The following DNAAF6 variants were observed in gnomAD, a reference collection of about 807,000 sequenced individuals.
The protein encoded by DNAAF6 is dynein axonemal assembly factor 6, also known as PIH1 domain containing 3.
DNAAF6 carries 3 observed loss-of-function variants against 13.7 expected under a neutral mutation model. The observed-to-expected ratio is 0.22, with a 90% CI of 0.10 to 0.56. DNAAF6 has a LOEUF of 0.56. DNAAF6 is among the 20% of genes least tolerant of loss of function. DNAAF6 has a pLI of 0.92. For synonymous variants in DNAAF6, 54 were observed against 49.2 expected, an observed-to-expected ratio of 1.10 and a Z score of -0.41; for missense variants, 130 against 151.0, an observed-to-expected ratio of 0.86 and a Z score of 0.73.
At chrX:107,240,258 A>G (rs1928598646) in intron 6 of DNAAF6, among the ~76,000 whole-genome samples, 1 of 112,120 alleles carries the variant, frequency 8.9e-6, no homozygotes, top group Non-Finnish European at 1.9e-5. Flanking sequence ...TTGGATCATA[A>G]TGTACTTATA....
At chrX:107,207,791 G>T (rs1927745384) in intron 1 of DNAAF6, among the ~76,000 whole-genome samples, 1 of 110,851 alleles carries the variant, frequency 9.0e-6, no homozygotes, top group South Asian at 4.0e-4. Context: ...AATTAGCCGG[G>T]TGTGTTGGCG....
intron 4 of DNAAF6, among the ~76,000 whole-genome samples, chrX:107,221,318 G>A (rs969731784): frequency 9.4e-6 from 1 of 106,289 alleles, no homozygotes; most frequent in African/African-American, 3.5e-5. Context: ...CCCCGGCCCC[G>A]CCCATTGTTC....
At position 107,219,800 on chromosome X, in the gene DNAAF6, A is replaced by T. The variant is rs867425072; in HGVS notation, c.332+831A>T. 3.0e-5 allele frequency among the ~76,000 whole-genome samples: 3 copies of T among 99,360 alleles called. No homozygotes were observed. The South Asian group carries it at 1.4e-3, about 45-fold the overall frequency. The allele number at this position is 99,360 out of a possible 115,157, so 86.3% of individuals were successfully genotyped here. On this transcript the variant is annotated intron_variant, in intron 4 of 6. Coordinates refer to ENST00000372453, the MANE Select transcript of DNAAF6 (RefSeq NM_173494.2). ...AATACTGAATACAAAACTATCCAGTATTTTTTTTTTTTTTTAGACAGAGTC... is the reference window on the plus strand; with the variant it reads ...AATACTGAATACAAAACTATCCAGTTTTTTTTTTTTTTTTTAGACAGAGTC...
At chrX:107,224,993 G>C (rs1289695913) in intron 5 of DNAAF6, among the ~76,000 whole-genome samples, 3 of 108,098 alleles carry the variant, frequency 2.8e-5, no homozygotes, top group Non-Finnish European at 5.7e-5. Flanking sequence ...TCAACTTCAA[G>C]TGGATAATAT....
intron 5 of DNAAF6, among the ~76,000 whole-genome samples, chrX:107,231,938 A>G (rs1479456180): frequency 4.5e-5 from 5 of 110,762 alleles, no homozygotes; most frequent in African/African-American, 1.6e-4. Flanking sequence ...GCTCACTGCA[A>G]CCTCCACCTC....
chrX:107,235,223 T>C (rs1928487399), intron 5 of DNAAF6, among the ~76,000 whole-genome samples: 1 of 111,442 alleles, frequency 9.0e-6, no homozygotes, highest in South Asian at 3.8e-4. Context: ...CCTTAAATTA[T>C]GGGCTTTTTT....
At chrX:107,223,621 A>AT (rs1208479750) in intron 5 of DNAAF6, among the ~76,000 whole-genome samples, 1 of 110,997 alleles carries the variant, frequency 9.0e-6, no homozygotes, top group Non-Finnish European at 1.9e-5. Flanking sequence ...CTTTGCTTCT[A>AT]TTTTTTTTCC....
chrX:107,214,252 A>G (rs1253488113), intron 2 of DNAAF6, among the ~76,000 whole-genome samples: 6 of 112,185 alleles, frequency 5.3e-5, no homozygotes, highest in Non-Finnish European at 3.8e-5. Flanking sequence ...CAATGTATCA[A>G]TGAAGTTGGG....
intron 6 of DNAAF6, among the ~76,000 whole-genome samples, chrX:107,241,539 A>G (rs1184725650): frequency 8.9e-6 from 1 of 112,098 alleles, no homozygotes; most frequent in Non-Finnish European, 1.9e-5. Flanking sequence ...CAACATTTAT[A>G]AAGTCTTCCA....
intron 6 of DNAAF6, among the ~76,000 whole-genome samples, chrX:107,240,976 T>A (rs1928612625): frequency 8.9e-6 from 1 of 112,015 alleles, no homozygotes; most frequent in Non-Finnish European, 1.9e-5. Context: ...TTTCAAAGAC[T>A]GATAGCTAAA....
chrX:107,243,379 A>C lies in DNAAF6; in HGVS notation c.*81A>C. The C allele has an allele frequency of 9.2e-7, 1 of 1,090,727 alleles. No individual in the cohort carries two copies. Among genetic ancestry groups the C allele is most frequent in the Non-Finnish European group, 1.2e-6 (1 of 818,648 alleles). 89.9% of individuals were successfully genotyped at this position (1,090,727 alleles called of 1,213,427 possible). On this transcript the variant is annotated 3_prime_UTR_variant, in exon 7 of 7. Transcript: ENST00000372453. ...TTTGAAAAAAATGATTGTTTTCTAT[A>C]TTCTCTTTATTATTCTGACATATTT...
At chrX:107,221,229 C>T (rs762041794) in intron 4 of DNAAF6, among the ~76,000 whole-genome samples, 1 of 111,005 alleles carries the variant, frequency 9.0e-6, no homozygotes, top group East Asian at 2.8e-4. Flanking sequence ...CCTGCCTCAG[C>T]CTCCCAAAGT....
chrX:107,222,011 C>G (rs1199147513), intron 4 of DNAAF6, among the ~76,000 whole-genome samples: 1 of 110,062 alleles, frequency 9.1e-6, no homozygotes. Flanking sequence ...TTCTATAAAC[C>G]ATTGTATTCC....
At chrX:107,230,124 T>C (rs1379185807) in intron 5 of DNAAF6, among the ~76,000 whole-genome samples, 1 of 112,193 alleles carries the variant, frequency 8.9e-6, no homozygotes, top group Non-Finnish European at 1.9e-5. Flanking sequence ...ATTCACCCAG[T>C]TGCTCAAGCT....
In DNAAF6 at chrX:107,237,499, T is replaced by C. The variant is rs1370043831; in HGVS notation, c.430-1423T>C. Among the ~76,000 whole-genome samples, 3 of 112,347 alleles carry C rather than the reference T, an allele frequency of 2.7e-5. No homozygotes were observed. The Admixed American group carries it at 2.8e-4, about 11-fold the overall frequency. ...GATAGACTTTGTGTTGTGGTAAAAA[T>C]ACACATAGTATAAAATTTACCATTA... On this transcript the variant is annotated intron_variant, in intron 5 of 6. Coordinates refer to ENST00000372453, the MANE Select transcript of DNAAF6 (RefSeq NM_173494.2).
At chrX:107,232,424 A>G (rs1928426239) in intron 5 of DNAAF6, among the ~76,000 whole-genome samples, 1 of 111,922 alleles carries the variant, frequency 8.9e-6, no homozygotes, top group African/African-American at 3.2e-5. Flanking sequence ...CTCCTCTCCC[A>G]TCACAGGAAT....
chrX:107,226,013 T>C (rs1928248329), intron 5 of DNAAF6, among the ~76,000 whole-genome samples: 1 of 111,882 alleles, frequency 8.9e-6, no homozygotes, highest in Admixed American at 9.5e-5. Flanking sequence ...GTAAGCCCAG[T>C]GTAATAAACA....
chrX:107,237,412 CATG>C (rs1263614213), intron 5 of DNAAF6, among the ~76,000 whole-genome samples: 2 of 111,982 alleles, frequency 1.8e-5, no homozygotes, highest in Non-Finnish European at 3.8e-5. Flanking sequence ...AACCATATGC[CATG>C]CTATCCTATA....
intron 5 of DNAAF6, among the ~76,000 whole-genome samples, chrX:107,232,894 C>T (rs149934869): frequency 0.014 from 1,512 of 110,246 alleles, 11 homozygotes; most frequent in South Asian, 0.045. Flanking sequence ...AGGCGCGCAC[C>T]ACCATGCCCA....
Sources: gnomAD v4.1 joint callset for allele counts (sites outside exome capture counted in the v4.1 genomes callset) on GRCh38, gnomAD v4.1.1 for gene constraint, MANE v1.5 for transcripts, NCBI Gene and HGNC (gene_info 2026-07-23, HGNC 2026-07-21) for gene names.